ZFHX3: variants seen among roughly 807,000 people sequenced by gnomAD.
ZFHX3 encodes the protein zinc finger homeobox protein 3.
Under a neutral mutation model 279.1 loss-of-function variants are expected in ZFHX3, and 42 were observed. The observed-to-expected ratio is 0.15, with a 90% CI of 0.12 to 0.19. The LOEUF is 0.19. Among genes scored for constraint, ZFHX3 ranks in the 10% least tolerant of loss-of-function variants. The probability of loss-of-function intolerance (pLI) is 1.00; values close to 1 mark genes in which losing one functional copy is unlikely to be tolerated. For missense variants in ZFHX3, 4,981 were observed against 4,754.0 expected, an observed-to-expected ratio of 1.05 and a Z score of -1.40; for synonymous variants, 2,293 against 1,957.8, an observed-to-expected ratio of 1.17 and a Z score of -4.52.
intron 1 of ZFHX3, among the ~76,000 whole-genome samples, chr16:73,697,530 A>C (rs187613600): frequency 2.6e-4 from 39 of 152,320 alleles, no homozygotes; most frequent in African/African-American, 8.9e-4. Context: ...AATGAAATTC[A>C]AGGTGAGTCA....
rs1292224041 is a variant in ZFHX3 at position 72,794,819 on chromosome 16, C to T, written c.7863G>A (p.Lys2621=). ...CGTTTTCGCCAGGGCTTGCACTGGCCTTTTCCTCCAGCTTCCTCTTGAGAG... is the reference window on the plus strand; with the variant it reads ...CGTTTTCGCCAGGGCTTGCACTGGCTTTTTCCTCCAGCTTCCTCTTGAGAG... ...MNTLKRKLEE[K]ASASPGENDS... The change falls in exon 9 of 10, where the codon AAG becomes AAA. Residue 2621 remains lysine (K), a synonymous_variant. Transcript: ENST00000268489. The surrounding 1 kb of genome is among the most constrained non-coding windows in gnomAD (Gnocchi z 4.2). 3.7e-6 allele frequency: 6 copies of T among 1,614,128 alleles called. No individual in the cohort carries two copies. Among genetic ancestry groups the T allele is most frequent in the Non-Finnish European group, 5.1e-6 (6 of 1,180,048 alleles).
intron 1 of ZFHX3, among the ~76,000 whole-genome samples, chr16:73,790,097 G>C (rs1959777806): frequency 6.6e-6 from 1 of 152,048 alleles, no homozygotes; most frequent in African/African-American, 2.4e-5. Context: ...CTCATTGTAG[G>C]ACCAAACTTA....
At chr16:72,984,326 T>C (rs1962751532) in intron 1 of ZFHX3, among the ~76,000 whole-genome samples, 1 of 152,160 alleles carries the variant, frequency 6.6e-6, no homozygotes, top group South Asian at 2.1e-4. Flanking sequence ...GTTCACAAAC[T>C]TGAAAAATTC....
intron 1 of ZFHX3, among the ~76,000 whole-genome samples, chr16:73,784,603 T>C (rs1394904680): frequency 3.4e-4 from 52 of 151,458 alleles, no homozygotes; most frequent in Non-Finnish European, 1.6e-4. Flanking sequence ...AAAAATTAGC[T>C]GGGGGTGGTG....
intron 1 of ZFHX3, among the ~76,000 whole-genome samples, chr16:73,753,232 T>A (rs1364787336): frequency 1.3e-5 from 2 of 152,126 alleles, no homozygotes; most frequent in African/African-American, 4.8e-5. Context: ...GTTCCGGTCG[T>A]AACTCTGCTG....
Position 73,214,973 on chromosome 16 carries a change from A to G in ZFHX3, c.-1104+42074T>C, listed in dbSNP as rs57751393. Among the ~76,000 whole-genome samples, 994 of 151,034 alleles carry G rather than the reference A, an allele frequency of 6.6e-3. 12 individuals carry two copies. Among genetic ancestry groups the G allele is most frequent in the African/African-American group, 0.023 (958 of 41,206 alleles). ...TTTAAGAAGGCCACAAGGCTTAGCC[A>G]AACAACTGATTACAAAGTATGGAAC... is the stretch of plus-strand genomic sequence containing the variant. On this transcript the variant is annotated intron_variant, in intron 5 of 17. Coordinates refer to the ZFHX3 transcript ENST00000641206.
At chr16:73,589,003 G>A (rs1275442288) in intron 2 of ZFHX3, among the ~76,000 whole-genome samples, 5 of 151,902 alleles carry the variant, frequency 3.3e-5, no homozygotes, top group African/African-American at 7.3e-5. Context: ...GCTCAGGCCT[G>A]TAATCCCAGC....
chr16:72,994,848 C>T (rs909923743), intron 1 of ZFHX3, among the ~76,000 whole-genome samples: 3 of 152,208 alleles, frequency 2.0e-5, no homozygotes, highest in African/African-American at 7.2e-5. Context: ...CAAGGTAAAT[C>T]ATCTAGTCAA....
chr16:73,227,054 G>T (rs1021710460), intron 5 of ZFHX3, among the ~76,000 whole-genome samples: 9 of 152,202 alleles, frequency 5.9e-5, no homozygotes, highest in Non-Finnish European at 8.8e-5. Context: ...CTGAATTTTT[G>T]ATTGCTTTTA....
chr16:73,580,509 A>AAAC (rs201994847), intron 2 of ZFHX3, among the ~76,000 whole-genome samples: 1,631 of 120,294 alleles, frequency 0.014, 26 homozygotes, highest in East Asian at 0.032. Flanking sequence ...ACAAACAAAC[A>AAAC]AAAAAAAAAA....
At chr16:73,408,156 C>G (rs2017401128) in intron 3 of ZFHX3, among the ~76,000 whole-genome samples, 1 of 149,816 alleles carries the variant, frequency 6.7e-6, no homozygotes, top group Non-Finnish European at 1.5e-5. Flanking sequence ...GGGACCCAAA[C>G]AGATGGTTGT....
intron 3 of ZFHX3, among the ~76,000 whole-genome samples, chr16:73,408,924 G>T (rs1231604010): frequency 6.6e-6 from 1 of 151,976 alleles, no homozygotes; most frequent in Non-Finnish European, 1.5e-5. Flanking sequence ...GAACGCCAAA[G>T]ATTATCCCAC....
At chr16:73,060,271 G>T (rs1431759605), upstream of ZFHX3, 1 of 148,010 alleles carries the variant, frequency 6.8e-6, no homozygotes, top group African/African-American at 2.5e-5. Flanking sequence ...AGAGTTTGGA[G>T]CACAGTCACG....
intron 4 of ZFHX3, among the ~76,000 whole-genome samples, chr16:72,873,619 C>A (rs1004685396): frequency 6.6e-6 from 1 of 152,138 alleles, no homozygotes; most frequent in Non-Finnish European, 1.5e-5. Context: ...GTTTTCTGCT[C>A]CTTACACTTC....
At chr16:72,911,594 GA>G (rs1467454661) in intron 3 of ZFHX3, among the ~76,000 whole-genome samples, 1 of 152,168 alleles carries the variant, frequency 6.6e-6, no homozygotes, top group Non-Finnish European at 1.5e-5. Context: ...ACCCAGGGCA[GA>G]TAAAAGATCA....
intron 1 of ZFHX3, among the ~76,000 whole-genome samples, chr16:73,799,140 G>A (rs1960076619): frequency 6.6e-6 from 1 of 152,160 alleles, no homozygotes; most frequent in Admixed American, 6.5e-5. Context: ...CACCAATGAG[G>A]TGATAGAGGT....
intron 7 of ZFHX3, among the ~76,000 whole-genome samples, chr16:72,801,701 C>T (rs1242270367): frequency 6.6e-6 from 1 of 152,184 alleles, no homozygotes; most frequent in Non-Finnish European, 1.5e-5. Context: ...TCACACAAAG[C>T]TCATCGGCAG....
chr16:73,605,346 C>A (rs943001009), intron 2 of ZFHX3, among the ~76,000 whole-genome samples: 1 of 152,144 alleles, frequency 6.6e-6, no homozygotes, highest in South Asian at 2.1e-4. Flanking sequence ...GATAAAAGTG[C>A]GCAAGAGAAA....
chr16:73,686,615 T>C (rs900427812), intron 1 of ZFHX3, among the ~76,000 whole-genome samples: 2 of 152,134 alleles, frequency 1.3e-5, no homozygotes, highest in East Asian at 3.9e-4. Flanking sequence ...TCCATAATTG[T>C]CTCAGCCTCT....
Sources: allele counts gnomAD v4.1 joint callset (sites outside exome capture counted in the v4.1 genomes callset), GRCh38; gene constraint gnomAD v4.1.1; non-coding constraint Gnocchi (gnomAD v3.1); transcripts MANE v1.5; gene names NCBI Gene and HGNC (gene_info 2026-07-23, HGNC 2026-07-21).